The following CHST8 variants were observed in gnomAD, a reference collection of about 807,000 sequenced individuals.
The protein encoded by CHST8 is carbohydrate sulfotransferase 8, also known as GALNAC-4-ST1.
In CHST8, 10 loss-of-function variants were observed where a neutral mutation model predicts 15.0. The ratio of observed to expected loss-of-function variants is 0.67; its 90% CI spans 0.41 to 1.13. The LOEUF (loss-of-function observed/expected upper bound fraction) is 1.13, where lower values mean the gene tolerates loss of function less well. Ranked by LOEUF, CHST8 falls within the 50% of genes most tolerant of loss-of-function variation. CHST8 has a pLI of 0.00. For missense variants in CHST8, 634 were observed against 608.2 expected (o/e 1.04, Z -0.45); for synonymous variants, 259 against 256.6 (o/e 1.01, Z -0.09).
chr19:33,711,195 T>C (rs1973542091), intron 3 of CHST8, among the ~76,000 whole-genome samples: 1 of 152,092 alleles, frequency 6.6e-6, no homozygotes, highest in South Asian at 2.1e-4. Flanking sequence ...TGGTGATGGT[T>C]GTTGTTTTTC....
chr19:33,642,393 G>A (rs1360851052), intron 1 of CHST8, among the ~76,000 whole-genome samples: 5 of 151,826 alleles, frequency 3.3e-5, no homozygotes, highest in African/African-American at 1.2e-4. Context: ...CTGAGATAGG[G>A]TCTCTGTCGC....
chr19:33,731,480 G>A (rs1303991222), intron 3 of CHST8, among the ~76,000 whole-genome samples: 2 of 152,192 alleles, frequency 1.3e-5, no homozygotes, highest in African/African-American at 4.8e-5. Context: ...TAAGCAGTGA[G>A]GACAACCGGG....
At chr19:33,653,282 G>A (rs12974233) in intron 1 of CHST8, among the ~76,000 whole-genome samples, 1 of 152,196 alleles carries the variant, frequency 6.6e-6, no homozygotes, top group South Asian at 2.1e-4. Context: ...TTTTCCTTTA[G>A]CTCTCTGAAG....
In CHST8 at chr19:33,705,274, C is replaced by T. The variant is rs372389796; in HGVS notation, c.130+15883C>T. ...CATGAGCAGAGCATCTCCTGGGCTC[C>T]GCTGACCAACAGTGGCTGCACAGAG... On this transcript the variant is annotated intron_variant, in intron 3 of 4. Transcript: ENST00000650847. 4.1e-3 allele frequency among the ~76,000 whole-genome samples: 632 copies of T among 152,298 alleles called. 6 individuals are homozygous for T. Among genetic ancestry groups the T allele is most frequent in the African/African-American group, 0.015 (604 of 41,554 alleles).
chr19:33,663,331 G>A (rs1015838064), intron 1 of CHST8, among the ~76,000 whole-genome samples: 5 of 152,172 alleles, frequency 3.3e-5, no homozygotes, highest in African/African-American at 9.7e-5. Flanking sequence ...TTGGTAGGCC[G>A]AGGCAGGAGG....
intron 1 of CHST8, among the ~76,000 whole-genome samples, chr19:33,659,226 C>T (rs965405832): frequency 7.9e-5 from 12 of 151,882 alleles, no homozygotes; most frequent in African/African-American, 2.2e-4. Flanking sequence ...CCACCACACC[C>T]GGCTAATTTT....
rs140557904 is a variant in CHST8, at chr19:33,681,517, A to C, written c.-86-7659A>C. On this transcript the variant is annotated intron_variant, in intron 2 of 4. Transcript: ENST00000650847. ...TCCCTGAGGACATGTCATGGGACCA[A>C]CCCAGTTCCCTGGTGAGGGACAGGC... 2.9e-3 allele frequency among the ~76,000 whole-genome samples: 445 copies of C among 152,254 alleles called. 5 individuals carry two copies. The East Asian group carries it at 0.03, about 10-fold the overall frequency.
chr19:33,687,334 G>A (rs1364963223), intron 2 of CHST8, among the ~76,000 whole-genome samples: 1 of 152,242 alleles, frequency 6.6e-6, no homozygotes, highest in African/African-American at 2.4e-5. Context: ...CCCGCACAAG[G>A]GGCTTTGAGT....
At chr19:33,741,501 C>T (rs2145340817) in intron 3 of CHST8, among the ~76,000 whole-genome samples, 1 of 152,304 alleles carries the variant, frequency 6.6e-6, no homozygotes, top group African/African-American at 2.4e-5. Flanking sequence ...CACCACATAC[C>T]TGAGGCCACA....
At chr19:33,761,946 AG>A in intron 3 of CHST8, among the ~76,000 whole-genome samples, 1 of 152,330 alleles carries the variant, frequency 6.6e-6, no homozygotes, top group African/African-American at 2.4e-5. Flanking sequence ...GAAACCACAC[AG>A]GGATGTGCAC....
intron 3 of CHST8, among the ~76,000 whole-genome samples, chr19:33,722,392 T>C (rs1163343693): frequency 6.6e-6 from 1 of 152,130 alleles, no homozygotes; most frequent in Non-Finnish European, 1.5e-5. Flanking sequence ...GGTAGGTACA[T>C]GTAGTAAAAG....
chr19:33,704,552 G>C (rs890443771), intron 3 of CHST8, among the ~76,000 whole-genome samples: 14 of 152,248 alleles, frequency 9.2e-5, no homozygotes, highest in Non-Finnish European at 2.9e-5. Flanking sequence ...CCAGAGCTCT[G>C]TGCAGGAGTG....
chr19:33,760,672 C>G (rs866671770), intron 3 of CHST8, among the ~76,000 whole-genome samples: 4 of 152,118 alleles, frequency 2.6e-5, no homozygotes, highest in African/African-American at 9.7e-5. Context: ...ATCCCAGGAG[C>G]CTTGCTTTCA....
chr19:33,694,816 GGCGATCTACCT>G (rs1973179170), intron 3 of CHST8, among the ~76,000 whole-genome samples: 1 of 152,186 alleles, frequency 6.6e-6, no homozygotes, highest in Non-Finnish European at 1.5e-5. Flanking sequence ...CTGAGCTTCA[GGCGATCTACCT>G]GCCTTGGCCT....
chr19:33,768,263 C>T (rs759206871), intron 3 of CHST8, among the ~76,000 whole-genome samples: 7 of 152,062 alleles, frequency 4.6e-5, no homozygotes, highest in Non-Finnish European at 7.4e-5. Context: ...TCCTTCATTA[C>T]GTTTCTTCTT....
intron 3 of CHST8, among the ~76,000 whole-genome samples, chr19:33,702,741 C>T (rs1457304710): frequency 6.6e-6 from 1 of 151,648 alleles, no homozygotes; most frequent in Non-Finnish European, 1.5e-5. Flanking sequence ...AGTCACAGCC[C>T]AGAGGGCCCA....
chr19:33,631,289 A>G (rs1372093724), intron 1 of CHST8, among the ~76,000 whole-genome samples: 1 of 152,050 alleles, frequency 6.6e-6, no homozygotes, highest in Non-Finnish European at 1.5e-5. Context: ...TCCTATAGAC[A>G]TCTGGGTCTG....
chr19:33,717,476 A>C (rs1973684613), intron 3 of CHST8, among the ~76,000 whole-genome samples: 1 of 152,060 alleles, frequency 6.6e-6, no homozygotes, highest in Non-Finnish European at 1.5e-5. Context: ...AGAAAAAAAA[A>C]GTACACGCTC....
intron 3 of CHST8, among the ~76,000 whole-genome samples, chr19:33,702,361 C>G (rs1407315769): frequency 6.6e-6 from 1 of 152,220 alleles, no homozygotes; most frequent in Non-Finnish European, 1.5e-5. Context: ...TAGCTCTCTG[C>G]CACCTCAAAC....
Sources: gnomAD v4.1 joint callset for allele counts (sites outside exome capture counted in the v4.1 genomes callset) on GRCh38, gnomAD v4.1.1 for gene constraint, MANE v1.5 for transcripts, NCBI Gene and HGNC (gene_info 2026-07-23, HGNC 2026-07-21) for gene names.